Variants in KHDRBS2 observed in about 807,000 individuals in gnomAD.
KHDRBS2 encodes KH RNA binding domain containing, signal transduction associated 2, also known as KH domain-containing, RNA-binding, signal transduction-associated protein 2.
KHDRBS2 carries 26 observed loss-of-function variants against 44.3 expected under a neutral mutation model. The ratio of observed to expected loss-of-function variants is 0.59; its 90% CI spans 0.43 to 0.81. KHDRBS2 has a LOEUF of 0.81. Among genes scored for constraint, KHDRBS2 ranks in the 40% least tolerant of loss-of-function variants. The probability of loss-of-function intolerance (pLI) is 0.00; values close to 1 mark genes in which losing one functional copy is unlikely to be tolerated. For synonymous variants in KHDRBS2, 194 were observed against 151.1 expected, an observed-to-expected ratio of 1.28 and a Z score of -2.08; for missense variants, 476 against 433.1, an observed-to-expected ratio of 1.10 and a Z score of -0.88.
At chr6:61,996,747 A>T (rs568707033) in intron 3 of KHDRBS2, among the ~76,000 whole-genome samples, 1 of 152,156 alleles carries the variant, frequency 6.6e-6, no homozygotes, top group African/African-American at 2.4e-5. Context: ...AGCCTTTTAA[A>T]TATTAAATAA....
the KHDRBS2 span, chr6:61,574,235 C>T: frequency 1.2e-6 from 1 of 848,620 alleles, no homozygotes; most frequent in South Asian, 1.4e-5. Context: ...ATTAGAGGCA[C>T]CGCCTGCCCA....
intron 6 of KHDRBS2, among the ~76,000 whole-genome samples, chr6:61,781,380 C>T (rs548127971): frequency 2.7e-4 from 41 of 152,194 alleles, no homozygotes; most frequent in African/African-American, 8.9e-4. Context: ...GAAATCTAAT[C>T]TTAAAAACCC....
chr6:61,575,909 C>G, the KHDRBS2 span, among the ~76,000 whole-genome samples: 2 of 151,926 alleles, frequency 1.3e-5, no homozygotes, highest in Admixed American at 6.6e-5. Flanking sequence ...GCTATGAGGA[C>G]ACAAAGGCAT....
At chr6:62,235,502 C>A (rs554623522) in intron 1 of KHDRBS2, among the ~76,000 whole-genome samples, 3 of 151,900 alleles carry the variant, frequency 2.0e-5, no homozygotes, top group Non-Finnish European at 4.4e-5. Context: ...ATCTTCTGGA[C>A]CCAGAATTTT....
At chr6:61,552,068 A>G in the KHDRBS2 span, among the ~76,000 whole-genome samples, 1 of 151,556 alleles carries the variant, frequency 6.6e-6, no homozygotes, top group Non-Finnish European at 1.5e-5. Flanking sequence ...TTTCTATATT[A>G]TATAGAAATA....
intron 1 of KHDRBS2, among the ~76,000 whole-genome samples, chr6:62,199,449 CAGAG>C (rs1319738519): frequency 4.6e-5 from 7 of 152,072 alleles, no homozygotes; most frequent in African/African-American, 1.7e-4. Flanking sequence ...CAATAACAGA[CAGAG>C]AGCCAAATTA....
intron 4 of KHDRBS2, among the ~76,000 whole-genome samples, chr6:61,902,560 T>C (rs116285434): frequency 0.013 from 1,964 of 152,064 alleles, 44 homozygotes; most frequent in African/African-American, 0.044. Flanking sequence ...TAGTACAAAA[T>C]TGAGTAACTG....
At chr6:61,888,212 T>C (rs1801258384) in intron 6 of KHDRBS2, among the ~76,000 whole-genome samples, 2 of 152,202 alleles carry the variant, frequency 1.3e-5, no homozygotes, top group Non-Finnish European at 2.9e-5. Flanking sequence ...TCCCCTCCTC[T>C]ACCTTTGCCA....
chr6:62,248,586 T>C (rs1212916767), intron 1 of KHDRBS2, among the ~76,000 whole-genome samples: 2 of 152,044 alleles, frequency 1.3e-5, no homozygotes, highest in Admixed American at 6.6e-5. Flanking sequence ...CTCGAACTCC[T>C]GAACTCAAGT....
the KHDRBS2 span, among the ~76,000 whole-genome samples, chr6:61,581,536 TAATATAC>T: frequency 1.4e-5 from 2 of 147,808 alleles, no homozygotes; most frequent in Non-Finnish European, 3.0e-5. Context: ...GATTATAATA[TAATATAC>T]AATATACAAT....
chr6:61,622,801 G>A, the KHDRBS2 span, among the ~76,000 whole-genome samples: 3,722 of 152,192 alleles, frequency 0.024, 70 homozygotes, highest in Middle Eastern at 0.088. Context: ...TCAAGAATGA[G>A]AATATGATAG....
At chr6:61,859,504 TG>T (rs940766137) in intron 6 of KHDRBS2, among the ~76,000 whole-genome samples, 5 of 151,862 alleles carry the variant, frequency 3.3e-5, no homozygotes, top group Admixed American at 3.3e-4. Context: ...ATATGGGGTT[TG>T]GGCATATATT....
the KHDRBS2 span, among the ~76,000 whole-genome samples, chr6:61,583,316 G>T: frequency 6.6e-6 from 1 of 151,660 alleles, no homozygotes; most frequent in African/African-American, 2.4e-5. Context: ...TAAATTGTTT[G>T]TTTCTCTTTA....
chr6:61,800,935 T>C (rs1786154816), intron 6 of KHDRBS2, among the ~76,000 whole-genome samples: 1 of 152,096 alleles, frequency 6.6e-6, no homozygotes. Flanking sequence ...AGTTCCTAGA[T>C]GCTGTGTTGC....
the KHDRBS2 span, among the ~76,000 whole-genome samples, chr6:61,562,942 C>T: frequency 6.6e-6 from 1 of 152,056 alleles, no homozygotes; most frequent in South Asian, 2.1e-4. Flanking sequence ...TTGGCTATTT[C>T]AAAGGGAAAG....
rs571283404 is a variant in KHDRBS2, at chr6:61,941,350, T to C, written c.483+36716A>G. ...GGCTATCCTGCCACTGACAATGACA[T>C]TGCTAATTCCATGTCAGTTGGCTGG... On this transcript the variant is annotated intron_variant, in intron 4 of 8. Coordinates refer to ENST00000281156, the MANE Select transcript of KHDRBS2 (RefSeq NM_152688.4). 3.9e-5 allele frequency among the ~76,000 whole-genome samples: 6 copies of C among 152,228 alleles called. 1 individual carries two copies. The highest frequency in any genetic ancestry group is 1.2e-4 in the African/African-American group (5 of 41,548).
chr6:62,231,781 A>AT, intron 1 of KHDRBS2, among the ~76,000 whole-genome samples: 1 of 152,166 alleles, frequency 6.6e-6, no homozygotes, highest in East Asian at 1.9e-4. Context: ...TTCGTGAAGA[A>AT]TTTTCTTTCT....
chr6:61,789,989 A>G (rs932818043), intron 6 of KHDRBS2, among the ~76,000 whole-genome samples: 2 of 151,600 alleles, frequency 1.3e-5, no homozygotes. Flanking sequence ...ATAATGTTTT[A>G]TAAAGATGCA....
At chr6:61,578,349 T>A in the KHDRBS2 span, among the ~76,000 whole-genome samples, 2 of 152,106 alleles carry the variant, frequency 1.3e-5, no homozygotes, top group African/African-American at 4.8e-5. Flanking sequence ...TAGTCAAAAG[T>A]GTGTGTGAGA....
Sources: gnomAD v4.1 joint callset for allele counts (sites outside exome capture counted in the v4.1 genomes callset) on GRCh38, gnomAD v4.1.1 for gene constraint, MANE v1.5 for transcripts, NCBI Gene and HGNC (gene_info 2026-07-23, HGNC 2026-07-21) for gene names.